PFDN2: variants seen among roughly 807,000 people sequenced by gnomAD.
The protein encoded by PFDN2 is prefoldin subunit 2, also known as prefoldin 2.
PFDN2 carries 7 observed loss-of-function variants against 18.3 expected under a neutral mutation model. The observed-to-expected ratio is 0.38, with a 90% CI of 0.22 to 0.72. PFDN2 has a LOEUF of 0.72. Ranked by LOEUF, PFDN2 falls within the 30% of genes least tolerant of loss-of-function variation. The probability of loss-of-function intolerance (pLI) is 0.47; values close to 1 mark genes in which losing one functional copy is unlikely to be tolerated. For missense variants in PFDN2, 181 were observed against 199.1 expected (o/e 0.91, Z 0.55); for synonymous variants, 76 against 75.0 (o/e 1.01, Z -0.07).
intron 1 of PFDN2, among the ~76,000 whole-genome samples, chr1:161,105,580 C>T (rs1571183838): frequency 6.6e-6 from 1 of 152,140 alleles, no homozygotes; most frequent in East Asian, 1.9e-4. Context: ...GCCTCAGCCT[C>T]CCAAGTAGCT....
intron 1 of PFDN2, among the ~76,000 whole-genome samples, chr1:161,106,162 C>A (rs1654672651): frequency 6.6e-6 from 1 of 152,102 alleles, no homozygotes. Flanking sequence ...TCCTCCTGCT[C>A]CCACTATGCA....
chr1:161,109,420 T>C (rs1654751587), intron 1 of PFDN2, among the ~76,000 whole-genome samples: 1 of 152,208 alleles, frequency 6.6e-6, no homozygotes, highest in African/African-American at 2.4e-5. Flanking sequence ...TCTATTTATA[T>C]TGTGTTATTT....
At chr1:161,101,967 A>G (rs970507704) in intron 3 of PFDN2, 81 bp downstream of exon 3, 2 of 1,476,018 alleles carry the variant, frequency 1.4e-6, no homozygotes, top group African/African-American at 2.8e-5. Flanking sequence ...TCCCGGACTC[A>G]AAGAGTCCAC....
intron 1 of PFDN2, among the ~76,000 whole-genome samples, chr1:161,108,612 G>A (rs761459039): frequency 2.6e-5 from 4 of 151,646 alleles, no homozygotes; most frequent in Non-Finnish European, 5.9e-5. Context: ...AATAATGCAC[G>A]ATTTACAGCC....
At chr1:161,109,995 A>C (rs1314802367) in intron 1 of PFDN2, among the ~76,000 whole-genome samples, 1 of 152,010 alleles carries the variant, frequency 6.6e-6, no homozygotes, top group Non-Finnish European at 1.5e-5. Flanking sequence ...CGGAAGTTGC[A>C]GTGAACCCAG....
chr1:161,103,683 C>CCAAAA (rs1654622060), intron 1 of PFDN2, among the ~76,000 whole-genome samples: 1 of 74,914 alleles, frequency 1.3e-5, no homozygotes, highest in South Asian at 5.6e-4. Flanking sequence ...GACTCCGTCT[C>CCAAAA]AAAAAAAAAA....
chr1:161,114,636 T>G, intron 1 of PFDN2, among the ~76,000 whole-genome samples: 1 of 152,222 alleles, frequency 6.6e-6, no homozygotes, highest in East Asian at 1.9e-4. Flanking sequence ...TTGTCTTGCC[T>G]AATACTCTAA....
At chr1:161,100,938 A>G in intron 3 of PFDN2, 79 bp from the exon 4 acceptor site, 2 of 1,068,006 alleles carry the variant, frequency 1.9e-6, no homozygotes, top group Non-Finnish European at 2.8e-6. Context: ...GGTTGGAGGA[A>G]GTGTTAACAC....
At position 161,102,311 on chromosome 1, in the gene PFDN2, A is replaced by C; in HGVS notation, c.140T>G (p.Leu47Trp). Residue 47 changes from leucine to tryptophan, a missense_variant, in exon 2 of 4, where the codon TTG becomes TGG. Leu to Trp is a moderately conservative substitution (Grantham distance 61). Coordinates refer to ENST00000368010, the MANE Select transcript of PFDN2 (RefSeq NM_012394.4). ...QRGLASKAAE[L>W]EMELNEHSLV... Reference sequence around the variant, plus strand: ...CCTGTGCTCATTCAACTCCATCTCCAACTCAGCTGCTTTGGATGCCAGGCC... The same window carrying C: ...CCTGTGCTCATTCAACTCCATCTCCCACTCAGCTGCTTTGGATGCCAGGCC... 1 of 1,614,096 alleles carries C rather than the reference A, an allele frequency of 6.2e-7. No individual in the cohort carries two copies. The highest frequency in any genetic ancestry group is 1.1e-5 in the South Asian group (1 of 91,080).
chr1:161,108,706 A>G (rs1036365641), intron 1 of PFDN2, among the ~76,000 whole-genome samples: 2 of 152,216 alleles, frequency 1.3e-5, no homozygotes, highest in Admixed American at 6.6e-5. Flanking sequence ...CTTCCACTGC[A>G]TGTCGCTAGA....
intron 1 of PFDN2, among the ~76,000 whole-genome samples, chr1:161,117,189 G>A (rs1485556475): frequency 6.6e-6 from 1 of 152,086 alleles, no homozygotes; most frequent in African/African-American, 2.4e-5. Flanking sequence ...AGGCGAGATC[G>A]CGCCACTGCA....
At position 161,117,932 on chromosome 1, in the gene PFDN2, T is replaced by G; in HGVS notation, c.75+20A>C. ...TCCAGACCCAGGTGGGTACCCTGCT[T>G]CGCGTTAGCCACTCCTCACCTGCTC... On this transcript the variant is annotated intron_variant, in intron 1 of 3. Coordinates refer to ENST00000368010, the MANE Select transcript of PFDN2 (RefSeq NM_012394.4). 1 of 1,598,498 alleles carries G rather than the reference T, an allele frequency of 6.3e-7. No homozygotes were observed. Among genetic ancestry groups the G allele is most frequent in the Non-Finnish European group, 8.5e-7 (1 of 1,170,740 alleles).
chr1:161,104,348 TATC>T (rs2101700405), intron 1 of PFDN2, among the ~76,000 whole-genome samples: 1 of 152,092 alleles, frequency 6.6e-6, no homozygotes, highest in Non-Finnish European at 1.5e-5. Flanking sequence ...TATTTGCAAA[TATC>T]ATCTCCAGTC....
intron 1 of PFDN2, among the ~76,000 whole-genome samples, 196 bp downstream of exon 1, chr1:161,117,756 C>G (rs964292543): frequency 6.6e-6 from 1 of 152,222 alleles, no homozygotes; most frequent in Non-Finnish European, 1.5e-5. Flanking sequence ...CACCACCTCA[C>G]GGAGGCGTGG....
chr1:161,115,249 C>T (rs1163956301), intron 1 of PFDN2, among the ~76,000 whole-genome samples: 2 of 151,998 alleles, frequency 1.3e-5, no homozygotes, highest in Non-Finnish European at 2.9e-5. Context: ...TTTTTAGTAG[C>T]GATGGGGTTT....
intron 1 of PFDN2, among the ~76,000 whole-genome samples, chr1:161,114,900 G>C (rs1236837504): frequency 2.0e-5 from 3 of 152,128 alleles, no homozygotes; most frequent in African/African-American, 7.2e-5. Context: ...GGATTGTGCA[G>C]CACACTATAA....
intron 1 of PFDN2, among the ~76,000 whole-genome samples, chr1:161,107,535 C>A (rs77188370): frequency 0.087 from 13,213 of 152,132 alleles, 616 homozygotes; most frequent in South Asian, 0.13. Flanking sequence ...TTTGGACAGG[C>A]CTGGCATGGT....
intron 1 of PFDN2, among the ~76,000 whole-genome samples, chr1:161,103,683 CAAAAAAAAAAAAAAA>C (rs553472563): frequency 0.024 from 1,767 of 75,082 alleles, 52 homozygotes; most frequent in African/African-American, 0.087. Flanking sequence ...GACTCCGTCT[CAAAAAAAAAAAAAAA>C]AAAAAAAAAA....
At position 161,117,031 on chromosome 1, in the gene PFDN2, G is replaced by A. The variant is rs557154325; in HGVS notation, c.75+921C>T. On this transcript the variant is annotated intron_variant, in intron 1 of 3. Coordinates refer to ENST00000368010, the MANE Select transcript of PFDN2 (RefSeq NM_012394.4). ...GTGCGGATCATTAGGTCAGGAGTTGGAGACCAGCCTGGCCAATATGGTGAA... is the reference window on the plus strand; with the variant it reads ...GTGCGGATCATTAGGTCAGGAGTTGAAGACCAGCCTGGCCAATATGGTGAA... Among the ~76,000 whole-genome samples, 3 of 152,144 alleles carry A rather than the reference G, an allele frequency of 2.0e-5. No homozygotes were observed. The South Asian group carries it at 6.2e-4, about 32-fold the overall frequency.
Sources: gnomAD v4.1 joint callset for allele counts (sites outside exome capture counted in the v4.1 genomes callset) on GRCh38, gnomAD v4.1.1 for gene constraint, MANE v1.5 for transcripts, NCBI Gene and HGNC (gene_info 2026-07-23, HGNC 2026-07-21) for gene names.